SLC8A1: variants seen among roughly 807,000 people sequenced by gnomAD.
SLC8A1 encodes the protein sodium/calcium exchanger 1.
A neutral mutation model predicts 68.3 loss-of-function variants in SLC8A1; 18 were observed. The observed-to-expected ratio is 0.26, with a 90% CI of 0.18 to 0.39. SLC8A1 has a LOEUF of 0.39. Ranked by LOEUF, SLC8A1 falls within the 10% of genes least tolerant of loss-of-function variation. SLC8A1 has a pLI of 1.00. For missense variants in SLC8A1, 985 were observed against 1,156.7 expected (o/e 0.85, Z 2.15); for synonymous variants, 475 against 415.5 (o/e 1.14, Z -1.74).
chr2:40,368,317 C>T (rs756423965), intron 2 of SLC8A1, among the ~76,000 whole-genome samples: 10 of 151,898 alleles, frequency 6.6e-5, no homozygotes, highest in Non-Finnish European at 4.4e-5. Flanking sequence ...AACGCTTTTG[C>T]AAAAATTAAA....
At chr2:40,128,345 A>G (rs2038588646) in intron 7 of SLC8A1, among the ~76,000 whole-genome samples, 1 of 152,200 alleles carries the variant, frequency 6.6e-6, no homozygotes, top group South Asian at 2.1e-4. Flanking sequence ...GCATTTAGCA[A>G]CAATGTGTCA....
chr2:40,310,767 G>C (rs927761739), intron 2 of SLC8A1, among the ~76,000 whole-genome samples: 1 of 152,038 alleles, frequency 6.6e-6, no homozygotes, highest in Non-Finnish European at 1.5e-5. Flanking sequence ...TTCCACAATA[G>C]CTCACTGCCA....
At chr2:40,148,815 G>A (rs1437351384) in intron 6 of SLC8A1, among the ~76,000 whole-genome samples, 1 of 152,162 alleles carries the variant, frequency 6.6e-6, no homozygotes, top group African/African-American at 2.4e-5. Context: ...TTGGCTTGAG[G>A]GAAATTAGCT....
chr2:40,115,638 G>A lies in SLC8A1; in HGVS notation c.2438-9C>T, dbSNP rs777095687. 51 of 1,600,086 alleles carry A rather than the reference G, an allele frequency of 3.2e-5. No homozygotes were observed. The highest frequency in any genetic ancestry group is 3.9e-5 in the Non-Finnish European group (46 of 1,176,762). On this transcript the variant is annotated splice_polypyrimidine_tract_variant and intron_variant, in intron 7 of 7. Coordinates refer to ENST00000406785, the Ensembl canonical transcript of SLC8A1. ...TTTGCTGGCAAATGTGTCTGCAGAG[G>A]AAGAAGAGAAAGTCAATGACACTCA...
chr2:40,265,855 A>G (rs1432352855), intron 2 of SLC8A1, among the ~76,000 whole-genome samples: 1 of 152,148 alleles, frequency 6.6e-6, no homozygotes. Context: ...TTCCAGGCAT[A>G]AAGAAAAAAA....
At chr2:40,378,204 C>T (rs956196203) in intron 2 of SLC8A1, among the ~76,000 whole-genome samples, 2 of 151,980 alleles carry the variant, frequency 1.3e-5, no homozygotes, top group African/African-American at 2.4e-5. Flanking sequence ...TTGATAAGTG[C>T]TCAGGGGGAA....
At chr2:40,217,303 G>A (rs1244674061) in intron 2 of SLC8A1, among the ~76,000 whole-genome samples, 1 of 152,254 alleles carries the variant, frequency 6.6e-6, no homozygotes, top group Non-Finnish European at 1.5e-5. Flanking sequence ...GGTTGTAGAT[G>A]TGTGGTGTTA....
At chr2:40,451,101 C>G (rs1162371793) in intron 1 of SLC8A1, among the ~76,000 whole-genome samples, 1 of 152,192 alleles carries the variant, frequency 6.6e-6, no homozygotes, top group African/African-American at 2.4e-5. Context: ...AGCTATAAGA[C>G]CGCCCTCTTC....
chr2:40,169,870 G>A (rs1040519222), intron 4 of SLC8A1, among the ~76,000 whole-genome samples: 6 of 152,310 alleles, frequency 3.9e-5, no homozygotes, highest in Middle Eastern at 6.8e-3. Flanking sequence ...GGGCTCAGGA[G>A]GTTGAAGCTG....
chr2:40,493,863 T>G (rs1279350224), intron 1 of SLC8A1, among the ~76,000 whole-genome samples: 3 of 151,878 alleles, frequency 2.0e-5, no homozygotes, highest in African/African-American at 7.3e-5. Flanking sequence ...TGTAATGGGT[T>G]TTCCTCTTTC....
At chr2:40,187,819 T>A (rs417873) in intron 2 of SLC8A1, among the ~76,000 whole-genome samples, 17,811 of 152,206 alleles carry the variant, frequency 0.12, 1,173 homozygotes, top group Middle Eastern at 0.22. Flanking sequence ...TTCTATGCTA[T>A]TATGGTAGGT....
exon 8 of SLC8A1, chr2:40,115,165 T>G (rs2125067258): frequency 2.0e-6 from 2 of 996,960 alleles, no homozygotes; most frequent in African/African-American, 3.3e-5. Context: ...TAAGTGAACA[T>G]GACAAATGTC....
chr2:40,380,064 T>C (rs141242243), intron 2 of SLC8A1, among the ~76,000 whole-genome samples: 1,602 of 152,282 alleles, frequency 0.011, 32 homozygotes, highest in African/African-American at 0.036. Context: ...ATGAAAATCA[T>C]GGAAAATTTT....
chr2:40,450,360 G>GTC (rs1241700730), intron 1 of SLC8A1, among the ~76,000 whole-genome samples: 1 of 151,914 alleles, frequency 6.6e-6, no homozygotes, highest in Non-Finnish European at 1.5e-5. Context: ...GAGTGTGTGT[G>GTC]TGTGTGTGTG....
rs149913926 is a variant in SLC8A1, at chr2:40,465,494, G to A, written c.-24-35190C>T. On this transcript the variant is annotated intron_variant, in intron 1 of 7. Transcript: ENST00000402441. Reference sequence around the variant, plus strand: ...TGCCTGTTAGCAAGCATTTATAGCTGTTGCCTTTGGGGTAGTTCTACATAA... The same window carrying A: ...TGCCTGTTAGCAAGCATTTATAGCTATTGCCTTTGGGGTAGTTCTACATAA... 3.7e-3 allele frequency among the ~76,000 whole-genome samples: 561 copies of A among 152,218 alleles called. 2 individuals carry two copies. Among genetic ancestry groups the A allele is most frequent in the African/African-American group, 0.013 (533 of 41,530 alleles).
At chr2:40,402,815 C>G (rs1408538001) in intron 2 of SLC8A1, among the ~76,000 whole-genome samples, 1 of 152,198 alleles carries the variant, frequency 6.6e-6, no homozygotes, top group Non-Finnish European at 1.5e-5. Flanking sequence ...AACTACTCAA[C>G]TTGACTAGAC....
At chr2:40,297,139 T>C (rs1375721850) in intron 2 of SLC8A1, among the ~76,000 whole-genome samples, 6 of 152,166 alleles carry the variant, frequency 3.9e-5, no homozygotes, top group Admixed American at 3.9e-4. Flanking sequence ...AAATTGAAAC[T>C]GGGTTCCTTG....
At chr2:40,362,158 G>T (rs567581852) in intron 2 of SLC8A1, among the ~76,000 whole-genome samples, 3 of 151,692 alleles carry the variant, frequency 2.0e-5, no homozygotes, top group Non-Finnish European at 4.4e-5. Flanking sequence ...GCCTCCCATA[G>T]TGCTGGGATT....
At chr2:40,267,976 A>G (rs1188242911) in intron 2 of SLC8A1, among the ~76,000 whole-genome samples, 1 of 152,192 alleles carries the variant, frequency 6.6e-6, no homozygotes, top group African/African-American at 2.4e-5. Context: ...TATCTCTCGG[A>G]CAGTGGGATG....
Sources: allele counts gnomAD v4.1 joint callset (sites outside exome capture counted in the v4.1 genomes callset), GRCh38; gene constraint gnomAD v4.1.1; transcripts MANE v1.5; gene names NCBI Gene and HGNC (gene_info 2026-07-23, HGNC 2026-07-21).